Variants in GLIS3 observed in about 807,000 individuals in gnomAD.
The protein encoded by GLIS3 is GLIS family zinc finger 3.
Under a neutral mutation model 78.6 loss-of-function variants are expected in GLIS3, and 53 were observed. The observed-to-expected ratio is 0.67, with a 90% CI of 0.54 to 0.85. The LOEUF is 0.85. Among genes scored for constraint, GLIS3 ranks in the 40% least tolerant of loss-of-function variants. The probability of loss-of-function intolerance (pLI) is 0.00; values close to 1 mark genes in which losing one functional copy is unlikely to be tolerated. For synonymous variants in GLIS3, 684 were observed against 509.9 expected (o/e 1.34, Z -4.60); for missense variants, 1,703 against 1,231.1 (o/e 1.38, Z -5.74).
chr9:4,132,736 A>T (rs535889370), intron 2 of GLIS3, among the ~76,000 whole-genome samples: 2 of 152,320 alleles, frequency 1.3e-5, no homozygotes, highest in Admixed American at 1.3e-4. Context: ...TGGGTCATAT[A>T]AAATGATATT....
At chr9:3,934,606 G>A (rs1160862694) in intron 5 of GLIS3, among the ~76,000 whole-genome samples, 3 of 152,016 alleles carry the variant, frequency 2.0e-5, no homozygotes, top group African/African-American at 4.8e-5. Context: ...ATGGCGTTTC[G>A]CCATGTTGGC....
chr9:4,268,912 T>C (rs1406680801), intron 2 of GLIS3, among the ~76,000 whole-genome samples: 1 of 152,090 alleles, frequency 6.6e-6, no homozygotes, highest in Admixed American at 6.5e-5. Flanking sequence ...CTGCAGCTAC[T>C]ATCTACACAT....
chr9:3,864,911 T>G (rs1198212131), intron 8 of GLIS3, among the ~76,000 whole-genome samples: 1 of 152,326 alleles, frequency 6.6e-6, no homozygotes, highest in Non-Finnish European at 1.5e-5. Flanking sequence ...ATGTAGGTCA[T>G]TGCTGCTGAA....
At chr9:4,242,055 C>T (rs1173775892) in intron 2 of GLIS3, among the ~76,000 whole-genome samples, 1 of 152,096 alleles carries the variant, frequency 6.6e-6, no homozygotes, top group Non-Finnish European at 1.5e-5. Context: ...AAAATTATGC[C>T]ATATTTATCC....
chr9:3,915,412 A>G (rs1382215685), intron 6 of GLIS3, among the ~76,000 whole-genome samples: 1 of 152,152 alleles, frequency 6.6e-6, no homozygotes, highest in Non-Finnish European at 1.5e-5. Flanking sequence ...AGCACTGTCC[A>G]GGATTGCATT....
chr9:3,934,558 T>C (rs1448958742), intron 5 of GLIS3, among the ~76,000 whole-genome samples: 1 of 152,150 alleles, frequency 6.6e-6, no homozygotes, highest in Non-Finnish European at 1.5e-5. Flanking sequence ...TACAGGCATG[T>C]GCCACCACAC....
the GLIS3 span, among the ~76,000 whole-genome samples, chr9:4,394,724 G>A: frequency 0.13 from 19,048 of 152,096 alleles, 1,328 homozygotes; most frequent in Middle Eastern, 0.18. Context: ...CTGACTCTAC[G>A]TTTGTTTTTG....
intron 4 of GLIS3, among the ~76,000 whole-genome samples, chr9:4,022,306 A>AT (rs1822956854): frequency 6.6e-6 from 1 of 152,200 alleles, no homozygotes; most frequent in Non-Finnish European, 1.5e-5. Context: ...TACCTTGATG[A>AT]TTATAATTCA....
At chr9:4,264,380 G>C (rs899931755) in intron 2 of GLIS3, among the ~76,000 whole-genome samples, 10 of 152,192 alleles carry the variant, frequency 6.6e-5, no homozygotes, top group Non-Finnish European at 1.5e-4. Context: ...TGGTTGTCTT[G>C]TTTTCACTCT....
chr9:4,337,746 A>G (rs1817774719), intron 2 of GLIS3, among the ~76,000 whole-genome samples: 1 of 152,154 alleles, frequency 6.6e-6, no homozygotes. Context: ...TGATCACAAT[A>G]GTAGCATAAT....
chr9:3,957,677 A>G lies in GLIS3; in HGVS notation c.1711-20488T>C, dbSNP rs372370888. ...TATCGCATGACTCTGGAAAACAGAC[A>G]AAGAAATGTTAGCACCAACAGACTT... On this transcript the variant is annotated intron_variant, in intron 4 of 10. Coordinates refer to ENST00000381971, the MANE Select transcript of GLIS3 (RefSeq NM_001042413.2). Among the ~76,000 whole-genome samples, 4 of 152,226 alleles carry G rather than the reference A, an allele frequency of 2.6e-5. No homozygotes were observed. In the South Asian group the frequency reaches 8.3e-4, roughly 32 times the overall value.
chr9:4,445,748 A>T, the GLIS3 span, among the ~76,000 whole-genome samples: 2 of 152,228 alleles, frequency 1.3e-5, no homozygotes, highest in Non-Finnish European at 2.9e-5. Flanking sequence ...GGCGCAACTC[A>T]AACTTTCCAT....
chr9:4,212,131 GCAT>G (rs1395631987), intron 2 of GLIS3, among the ~76,000 whole-genome samples: 1 of 152,220 alleles, frequency 6.6e-6, no homozygotes, highest in African/African-American at 2.4e-5. Context: ...TGGATCATAT[GCAT>G]CGAGTGGGTG....
chr9:4,089,877 T>C (rs1399998202), intron 4 of GLIS3, among the ~76,000 whole-genome samples: 2 of 152,100 alleles, frequency 1.3e-5, no homozygotes, highest in African/African-American at 4.8e-5. Flanking sequence ...AATTAGACAG[T>C]GACAAAGGGA....
chr9:4,422,110 A>T, the GLIS3 span, among the ~76,000 whole-genome samples: 1 of 152,244 alleles, frequency 6.6e-6, no homozygotes, highest in African/African-American at 2.4e-5. Context: ...CCGCTCAAGA[A>T]TTATGGTAGG....
chr9:4,396,093 TAAC>T, the GLIS3 span, among the ~76,000 whole-genome samples: 1 of 151,284 alleles, frequency 6.6e-6, no homozygotes, highest in South Asian at 2.1e-4. Context: ...TTCTATTGAA[TAAC>T]ATCAAGGGAG....
At chr9:4,195,266 G>A (rs1190660901) in intron 2 of GLIS3, among the ~76,000 whole-genome samples, 2 of 152,258 alleles carry the variant, frequency 1.3e-5, no homozygotes, top group African/African-American at 4.8e-5. Flanking sequence ...TGAGGCCAGA[G>A]CTGCTCCCTT....
the GLIS3 span, among the ~76,000 whole-genome samples, chr9:4,418,485 G>A: frequency 1.5e-3 from 232 of 152,288 alleles, 5 homozygotes; most frequent in Admixed American, 0.015. Flanking sequence ...TAAAAGTGGT[G>A]TAAAAACATA....
Position 3,958,053 on chromosome 9 carries a change from G to A in GLIS3, c.1711-20864C>T, listed in dbSNP as rs187760364. Among the ~76,000 whole-genome samples the A allele has an allele frequency of 8.7e-4, 133 of 152,262 alleles. 2 individuals carry two copies. In the East Asian group the frequency reaches 0.02, roughly 23 times the overall value. On this transcript the variant is annotated intron_variant, in intron 4 of 10. Transcript: ENST00000381971. ...GGTAATGGAAAGCTGTGGCTCCTTC[G>A]GTAATCCTAACCCATGACTGACTTT... is the stretch of plus-strand genomic sequence containing the variant.
Sources: gnomAD v4.1 joint callset for allele counts (sites outside exome capture counted in the v4.1 genomes callset) on GRCh38, gnomAD v4.1.1 for gene constraint, MANE v1.5 for transcripts, NCBI Gene and HGNC (gene_info 2026-07-23, HGNC 2026-07-21) for gene names.